Variants in EDIL3 observed in about 807,000 individuals in gnomAD.
EDIL3 encodes EGF like and discoidin domains 3, also known as EGF-like repeat and discoidin I-like domain-containing protein 3.
EDIL3 carries 37 observed loss-of-function variants against 67.4 expected under a neutral mutation model. The observed-to-expected ratio is 0.55, with a 90% CI of 0.42 to 0.72. EDIL3 has a LOEUF of 0.72. EDIL3 is among the 30% of genes least tolerant of loss of function. EDIL3 has a pLI of 0.00. For synonymous variants in EDIL3, 195 were observed against 196.3 expected (o/e 0.99, Z 0.05); for missense variants, 527 against 586.3 (o/e 0.90, Z 1.04).
intron 6 of EDIL3, among the ~76,000 whole-genome samples, chr5:84,094,279 C>T (rs541679002): frequency 6.6e-6 from 1 of 152,124 alleles, no homozygotes; most frequent in African/African-American, 2.4e-5. Context: ...TAATTTTCCA[C>T]CTGGGATCAT....
intron 3 of EDIL3, among the ~76,000 whole-genome samples, chr5:84,202,958 A>G (rs1486635658): frequency 6.6e-6 from 1 of 152,134 alleles, no homozygotes; most frequent in Non-Finnish European, 1.5e-5. Context: ...AGCCTGAGAG[A>G]TATTATAGAG....
chr5:83,996,023 G>T (rs1745233534), intron 9 of EDIL3, among the ~76,000 whole-genome samples: 1 of 152,058 alleles, frequency 6.6e-6, no homozygotes, highest in African/African-American at 2.4e-5. Context: ...TTTCATTTCA[G>T]TAGTCAAATT....
intron 1 of EDIL3, among the ~76,000 whole-genome samples, chr5:84,370,134 T>C (rs1027413373): frequency 6.6e-6 from 1 of 152,240 alleles, no homozygotes; most frequent in East Asian, 1.9e-4. Flanking sequence ...CTTTTAGATT[T>C]AGAAGTGGAA....
At position 84,384,412 on chromosome 5, in the gene EDIL3, G is replaced by A. The variant is rs368416158; in HGVS notation, c.-38C>T. The A allele has an allele frequency of 5.0e-6, 8 of 1,611,150 alleles. No individual in the cohort carries two copies. The highest frequency in any genetic ancestry group is 6.8e-6 in the Non-Finnish European group (8 of 1,178,628). ...CGGACGTGACCCCGGCTGGTCAGGG[G>A]TCGTCGCGGAGGGCAGTGTAGCCGA... On this transcript the variant is annotated 5_prime_UTR_variant, in exon 1 of 11. Coordinates refer to ENST00000296591, the MANE Select transcript of EDIL3 (RefSeq NM_005711.5).
intron 9 of EDIL3, among the ~76,000 whole-genome samples, chr5:83,990,912 A>C (rs1745139962): frequency 6.6e-6 from 1 of 150,682 alleles, no homozygotes; most frequent in Non-Finnish European, 1.5e-5. Context: ...TAAATAAATA[A>C]ATAAATAAAT....
At chr5:84,340,534 C>CTCTCTCTATATA (rs1432966515) in intron 1 of EDIL3, among the ~76,000 whole-genome samples, 36 of 54,206 alleles carry the variant, frequency 6.6e-4, no homozygotes, top group South Asian at 1.8e-3. Context: ...CTCTCTCTCT[C>CTCTCTCTATATA]TATATATATA....
chr5:84,224,763 G>T (rs1040187877), intron 3 of EDIL3, among the ~76,000 whole-genome samples: 9 of 151,580 alleles, frequency 5.9e-5, no homozygotes, highest in Admixed American at 3.3e-4. Flanking sequence ...TAGTAGCACA[G>T]TTCAGAGACT....
At chr5:84,370,990 G>A (rs903700833) in intron 1 of EDIL3, among the ~76,000 whole-genome samples, 3 of 151,960 alleles carry the variant, frequency 2.0e-5, no homozygotes, top group Non-Finnish European at 2.9e-5. Flanking sequence ...AAGGTACCAC[G>A]TTTGGAGCTG....
chr5:84,106,555 G>A, intron 6 of EDIL3, 94 bp downstream of exon 6: 2 of 1,414,024 alleles, frequency 1.4e-6, no homozygotes, highest in Non-Finnish European at 1.9e-6. Context: ...ATAAGGAAGA[G>A]TCACACTGAG....
intron 1 of EDIL3, among the ~76,000 whole-genome samples, chr5:84,309,313 G>GTTTTTTTTTTTTTTTTGTTTTTTCTTTT: frequency 1.1e-5 from 1 of 89,304 alleles, no homozygotes; most frequent in Non-Finnish European, 2.5e-5. Context: ...TTTTTTCTTT[G>GTTTTTTTTTTTTTTTTGTTTTTTCTTTT]TTTTTTTTTT....
At chr5:84,149,326 G>A (rs2112328266) in intron 4 of EDIL3, among the ~76,000 whole-genome samples, 1 of 152,194 alleles carries the variant, frequency 6.6e-6, no homozygotes, top group South Asian at 2.1e-4. Context: ...ATAGACCAGA[G>A]GGAGCAATAC....
chr5:84,141,859 T>C (rs1005952590), intron 4 of EDIL3, among the ~76,000 whole-genome samples: 2 of 148,058 alleles, frequency 1.4e-5, no homozygotes, highest in Non-Finnish European at 3.0e-5. Flanking sequence ...ATGCACACTC[T>C]GGAGATTTCG....
chr5:84,215,570 T>TA (rs949040483), intron 3 of EDIL3, among the ~76,000 whole-genome samples: 1 of 152,090 alleles, frequency 6.6e-6, no homozygotes, highest in South Asian at 2.1e-4. Context: ...CAGATATTTT[T>TA]AAAAAAATTA....
intron 3 of EDIL3, among the ~76,000 whole-genome samples, chr5:84,202,964 T>C (rs749284704): frequency 2.6e-5 from 4 of 152,108 alleles, no homozygotes; most frequent in African/African-American, 7.2e-5. Context: ...AGAGATATTA[T>C]AGAGGAAACA....
Position 84,132,603 on chromosome 5 carries a change from A to T in EDIL3, c.469+4638T>A, listed in dbSNP as rs1402746413. Reference sequence around the variant, plus strand: ...TATATTTTATATATTTTTAATATATATTATATAAATATACACACAGTATAT... The same window carrying T: ...TATATTTTATATATTTTTAATATATTTTATATAAATATACACACAGTATAT... On this transcript the variant is annotated intron_variant, in intron 5 of 10. Transcript: ENST00000296591. Among the ~76,000 whole-genome samples the T allele has an allele frequency of 4.3e-5, 5 of 117,188 alleles. No individual in the cohort carries two copies. The East Asian group carries it at 1.1e-3, about 26-fold the overall frequency. 76.9% of individuals were successfully genotyped at this position (117,188 alleles called of 152,430 possible).
At chr5:84,254,518 A>T (rs1168868927) in intron 1 of EDIL3, among the ~76,000 whole-genome samples, 2 of 152,232 alleles carry the variant, frequency 1.3e-5, no homozygotes, top group African/African-American at 4.8e-5. Flanking sequence ...TAACCTAAAT[A>T]TCTGTAATAG....
At chr5:84,132,793 T>C (rs1350327627) in intron 5 of EDIL3, among the ~76,000 whole-genome samples, 1 of 151,290 alleles carries the variant, frequency 6.6e-6, no homozygotes, top group Non-Finnish European at 1.5e-5. Context: ...TAAACAACTA[T>C]ATAATTATCT....
intron 5 of EDIL3, among the ~76,000 whole-genome samples, chr5:84,124,011 C>T (rs1029829777): frequency 6.6e-6 from 1 of 152,008 alleles, no homozygotes; most frequent in South Asian, 2.1e-4. Flanking sequence ...CAATTTTACA[C>T]CAATCAAAAT....
At chr5:84,219,369 T>C (rs1477010806) in intron 3 of EDIL3, among the ~76,000 whole-genome samples, 5 of 152,110 alleles carry the variant, frequency 3.3e-5, no homozygotes, top group Non-Finnish European at 5.9e-5. Context: ...AAAATGATAA[T>C]GGCAAGTAGG....
Sources: allele counts gnomAD v4.1 joint callset (sites outside exome capture counted in the v4.1 genomes callset), GRCh38; gene constraint gnomAD v4.1.1; transcripts MANE v1.5; gene names NCBI Gene and HGNC (gene_info 2026-07-23, HGNC 2026-07-21).